The following MAN2A1 variants were observed in gnomAD, a reference collection of about 807,000 sequenced individuals.
The protein encoded by MAN2A1 is mannosidase alpha class 2A member 1.
A neutral mutation model predicts 142.6 loss-of-function variants in MAN2A1; 76 were observed. The observed-to-expected ratio is 0.53, with a 90% CI of 0.44 to 0.65. The LOEUF is 0.65. Ranked by LOEUF, MAN2A1 falls within the 30% of genes least tolerant of loss-of-function variation. The probability of loss-of-function intolerance (pLI) is 0.00; values close to 1 mark genes in which losing one functional copy is unlikely to be tolerated. For missense variants in MAN2A1, 1,311 were observed against 1,365.1 expected (o/e 0.96, Z 0.62); for synonymous variants, 559 against 473.2 (o/e 1.18, Z -2.35).
At chr5:109,707,242 T>C (rs1215143905) in intron 1 of MAN2A1, among the ~76,000 whole-genome samples, 1 of 152,222 alleles carries the variant, frequency 6.6e-6, no homozygotes, top group Admixed American at 6.5e-5. Context: ...TACCTACTTT[T>C]TGGGATGCAG....
At chr5:109,733,572 G>A (rs374767195) in intron 4 of MAN2A1, among the ~76,000 whole-genome samples, 2 of 152,238 alleles carry the variant, frequency 1.3e-5, no homozygotes, top group Admixed American at 6.5e-5. Flanking sequence ...TTAGCATGAA[G>A]TGTTGTTGAA....
intron 12 of MAN2A1, among the ~76,000 whole-genome samples, chr5:109,807,043 T>G (rs766476365): frequency 3.9e-5 from 6 of 152,102 alleles, no homozygotes; most frequent in Non-Finnish European, 8.8e-5. Context: ...AGCGTTGAAT[T>G]TTTTTTTCTT....
At chr5:109,714,571 G>C (rs1490767576) in intron 2 of MAN2A1, among the ~76,000 whole-genome samples, 2 of 152,214 alleles carry the variant, frequency 1.3e-5, no homozygotes, top group Admixed American at 1.3e-4. Context: ...CTTAAACTCA[G>C]AGTGTTTCAC....
chr5:109,779,337 A>G (rs974688395), intron 8 of MAN2A1, among the ~76,000 whole-genome samples: 10 of 152,308 alleles, frequency 6.6e-5, no homozygotes, highest in African/African-American at 2.4e-4. Flanking sequence ...GTAGCATGCT[A>G]TAGATTTCTA....
chr5:109,783,863 C>T (rs1018797570), intron 9 of MAN2A1, among the ~76,000 whole-genome samples: 1 of 151,800 alleles, frequency 6.6e-6, no homozygotes, highest in Non-Finnish European at 1.5e-5. Flanking sequence ...AAATATACTA[C>T]AAAGGACATT....
rs114079969 is a variant in MAN2A1, at chr5:109,786,269, C to T, written c.1760+1343C>T. On this transcript the variant is annotated intron_variant, in intron 10 of 21. Transcript: ENST00000261483. Reference sequence around the variant, plus strand: ...CTCCTTTTTTCCTTCTTACCTGCTCCTGGCCTGCTTGGTTTGTTGAGAGTT... The same window carrying T: ...CTCCTTTTTTCCTTCTTACCTGCTCTTGGCCTGCTTGGTTTGTTGAGAGTT... Among the ~76,000 whole-genome samples the T allele has an allele frequency of 4.2e-3, 634 of 152,100 alleles. 10 individuals carry two copies. Among genetic ancestry groups the T allele is most frequent in the African/African-American group, 0.014 (568 of 41,520 alleles).
At chr5:109,760,006 C>CT (rs1752800644) in intron 5 of MAN2A1, among the ~76,000 whole-genome samples, 2 of 150,612 alleles carry the variant, frequency 1.3e-5, no homozygotes, top group Non-Finnish European at 3.0e-5. Flanking sequence ...TAGATAGATA[C>CT]TTTAAGTTCT....
chr5:109,814,275 T>A (rs944305097), intron 12 of MAN2A1, among the ~76,000 whole-genome samples: 1 of 152,212 alleles, frequency 6.6e-6, no homozygotes, highest in Non-Finnish European at 1.5e-5. Flanking sequence ...TACTGAAACC[T>A]ATTGGTTTCA....
chr5:109,839,025 G>A (rs1481882208), intron 16 of MAN2A1, among the ~76,000 whole-genome samples: 1 of 152,090 alleles, frequency 6.6e-6, no homozygotes, highest in East Asian at 1.9e-4. Context: ...TTCATTTCAT[G>A]TATTCTGTTG....
At position 109,864,950 on chromosome 5, in the gene MAN2A1, G is replaced by A. The variant is rs185423666; in HGVS notation, c.3172-86G>A. 5.1e-5 allele frequency: 47 copies of A among 916,310 alleles called. No homozygotes were observed. In the East Asian group the frequency reaches 1.0e-3, roughly 20 times the overall value. The allele number at this position is 916,310 out of a possible 1,614,324, so 56.8% of individuals were successfully genotyped here. On this transcript the variant is annotated intron_variant, in intron 20 of 21. Transcript: ENST00000261483. ...TTGCTAAATAAATGTGCTTTTGGAT[G>A]CTGACATCGAGAGAGTGGTGTGTGA...
At chr5:109,823,676 G>A (rs377172386) in intron 15 of MAN2A1, 47 bp from the exon 16 acceptor site, 1 of 973,918 alleles carries the variant, frequency 1.0e-6, no homozygotes, top group African/African-American at 1.6e-5. Context: ...TCTTTTAAAA[G>A]TTTGGAAGCC....
In MAN2A1 at chr5:109,713,747, A is replaced by G. The variant is rs1292071798; in HGVS notation, c.363A>G (p.Gln121=). 6.2e-6 allele frequency: 10 copies of G among 1,613,834 alleles called. No homozygotes were observed. In the Admixed American group the frequency reaches 1.7e-4, roughly 27 times the overall value. The change falls in exon 2 of 22, where the codon CAA becomes CAG. Residue 121 remains glutamine (Q), a synonymous_variant. Transcript: ENST00000261483. ...CTGCAGACTGTCTGTTTGCTTCACA[A>G]AGTGGAAGTCACAATTCAGATGTGC... The part of the protein sequence containing the change: ...VDTADCLFAS[Q]SGSHNSDVQM...
chr5:109,845,826 A>G (rs768616771), intron 17 of MAN2A1, 39 bp from the exon 18 acceptor site: 11 of 1,567,288 alleles, frequency 7.0e-6, no homozygotes, highest in Non-Finnish European at 7.8e-6. Context: ...AACATATGTA[A>G]ATATCACTTT....
At position 109,711,237 on chromosome 5, in the gene MAN2A1, A is replaced by G. The variant is rs553451977; in HGVS notation, c.136-2283A>G. On this transcript the variant is annotated intron_variant, in intron 1 of 21. Transcript: ENST00000261483. ...CTGGCGAGATGAATCAACATGTTCT[A>G]ATACTGCTTGTAATAAGAGTAACTT... Among the ~76,000 whole-genome samples, 6 of 152,344 alleles carry G rather than the reference A, an allele frequency of 3.9e-5. No homozygotes were observed. The East Asian group carries it at 1.2e-3, about 29-fold the overall frequency.
chr5:109,748,643 G>T (rs532080932), intron 4 of MAN2A1, among the ~76,000 whole-genome samples: 5 of 151,930 alleles, frequency 3.3e-5, no homozygotes, highest in African/African-American at 7.3e-5. Flanking sequence ...GAATGTGGTG[G>T]CCAGTAACAG....
At chr5:109,776,232 T>A (rs1218563996) in intron 8 of MAN2A1, among the ~76,000 whole-genome samples, 1 of 152,128 alleles carries the variant, frequency 6.6e-6, no homozygotes, top group Admixed American at 6.6e-5. Flanking sequence ...TGAAAGCTGA[T>A]GGTGAACTAT....
intron 12 of MAN2A1, chr5:109,804,064 A>G (rs1296799660): frequency 9.5e-6 from 5 of 527,842 alleles, no homozygotes; most frequent in Non-Finnish European, 1.2e-5. Context: ...TTATTAACCC[A>G]AAGCAGTTCA....
intron 16 of MAN2A1, among the ~76,000 whole-genome samples, chr5:109,833,382 T>A (rs1754976574): frequency 6.6e-6 from 1 of 151,872 alleles, no homozygotes. Flanking sequence ...TGGGCAACAT[T>A]GAGCACTGAG....
chr5:109,846,864 C>T (rs865876596), intron 18 of MAN2A1, among the ~76,000 whole-genome samples: 3 of 151,998 alleles, frequency 2.0e-5, no homozygotes, highest in Non-Finnish European at 4.4e-5. Context: ...GACATGAATT[C>T]GATTTTGAAA....
Sources: allele counts gnomAD v4.1 joint callset (sites outside exome capture counted in the v4.1 genomes callset), GRCh38; gene constraint gnomAD v4.1.1; transcripts MANE v1.5; gene names NCBI Gene and HGNC (gene_info 2026-07-23, HGNC 2026-07-21).